MAGI2: variants seen among roughly 807,000 people sequenced by gnomAD.
MAGI2 encodes membrane-associated guanylate kinase, WW and PDZ domain-containing protein 2.
MAGI2 carries 35 observed loss-of-function variants against 133.3 expected under a neutral mutation model. That is an observed-to-expected ratio of 0.26 (90% confidence interval 0.20 to 0.35). The LOEUF (loss-of-function observed/expected upper bound fraction) is 0.35, where lower values mean the gene tolerates loss of function less well. Ranked by LOEUF, MAGI2 falls within the 10% of genes least tolerant of loss-of-function variation. The pLI, the probability that MAGI2 is intolerant of heterozygous loss-of-function variation, is 1.00. For missense variants in MAGI2, 1,636 were observed against 1,863.4 expected (o/e 0.88, Z 2.25); for synonymous variants, 729 against 710.6 (o/e 1.03, Z -0.41).
intron 3 of MAGI2, among the ~76,000 whole-genome samples, chr7:78,622,585 T>G (rs967198032): frequency 6.6e-6 from 1 of 152,024 alleles, no homozygotes; most frequent in African/African-American, 2.4e-5. Context: ...ATTCCTTAGT[T>G]TTCCCTGACA....
At chr7:78,359,269 C>T (rs923387070) in intron 7 of MAGI2, 44 of 152,130 alleles carry the variant, frequency 2.9e-4, no homozygotes, top group African/African-American at 8.9e-4. Flanking sequence ...CCCACCTTCT[C>T]GTGCTATACT....
chr7:78,991,903 A>T (rs571409813), intron 2 of MAGI2, among the ~76,000 whole-genome samples: 1 of 152,070 alleles, frequency 6.6e-6, no homozygotes, highest in East Asian at 1.9e-4. Context: ...TATTTCAGGG[A>T]TTGCCACAAT....
At chr7:79,138,217 T>C (rs1821775300) in intron 1 of MAGI2, among the ~76,000 whole-genome samples, 1 of 152,192 alleles carries the variant, frequency 6.6e-6, no homozygotes, top group African/African-American at 2.4e-5. Context: ...GTGGTAATTT[T>C]TTTTCATAGT....
At chr7:78,889,091 T>G (rs956027782) in intron 2 of MAGI2, among the ~76,000 whole-genome samples, 2 of 152,148 alleles carry the variant, frequency 1.3e-5, no homozygotes, top group African/African-American at 4.8e-5. Context: ...TGCACTAGCC[T>G]CAGTAGCCAA....
chr7:78,346,103 T>A, intron 7 of MAGI2, 60 bp from the exon 8 acceptor site: 1 of 1,594,224 alleles, frequency 6.3e-7, no homozygotes, highest in South Asian at 1.1e-5. Context: ...AAAGACCATA[T>A]GTATGGCTCT....
intron 21 of MAGI2, among the ~76,000 whole-genome samples, chr7:78,038,109 T>G (rs943754445): frequency 3.9e-5 from 6 of 152,224 alleles, no homozygotes; most frequent in African/African-American, 7.2e-5. Context: ...CGCTCTTTTT[T>G]TGTAAGTGTG....
intron 3 of MAGI2, among the ~76,000 whole-genome samples, chr7:78,598,184 T>C (rs1234906026): frequency 2.0e-5 from 3 of 152,188 alleles, no homozygotes; most frequent in Non-Finnish European, 4.4e-5. Flanking sequence ...AGGGATATCA[T>C]TGTAAACAAA....
At chr7:78,765,554 G>T (rs1793422729) in intron 2 of MAGI2, among the ~76,000 whole-genome samples, 2 of 151,670 alleles carry the variant, frequency 1.3e-5, no homozygotes, top group Admixed American at 1.3e-4. Flanking sequence ...TCTCTATGTT[G>T]GCCAGGCTGG....
chr7:78,312,878 G>C (rs996967743), intron 9 of MAGI2, among the ~76,000 whole-genome samples: 11 of 148,612 alleles, frequency 7.4e-5, no homozygotes, highest in East Asian at 3.9e-4. Flanking sequence ...CCCACTCCTG[G>C]GTATATACCC....
intron 6 of MAGI2, among the ~76,000 whole-genome samples, chr7:78,389,854 T>C (rs1250783739): frequency 1.3e-5 from 2 of 152,218 alleles, no homozygotes; most frequent in Non-Finnish European, 2.9e-5. Context: ...GAAAATGTTT[T>C]AGTAAAAACT....
intron 21 of MAGI2, 86 bp from the exon 22 acceptor site, chr7:78,020,062 T>C: frequency 8.2e-7 from 1 of 1,223,552 alleles, no homozygotes; most frequent in Non-Finnish European, 1.1e-6. Context: ...GGCAGGCAGC[T>C]GGGGCGATTG....
intron 2 of MAGI2, among the ~76,000 whole-genome samples, chr7:78,828,294 C>T (rs1243782673): frequency 2.6e-5 from 4 of 152,166 alleles, no homozygotes; most frequent in African/African-American, 4.8e-5. Flanking sequence ...ACAAACATTA[C>T]CTCAGTTGTG....
intron 2 of MAGI2, among the ~76,000 whole-genome samples, chr7:78,906,334 T>C (rs1797990854): frequency 6.6e-6 from 1 of 152,218 alleles, no homozygotes; most frequent in Non-Finnish European, 1.5e-5. Context: ...TTCCGTTTCA[T>C]TGCTTTCGTC....
intron 3 of MAGI2, among the ~76,000 whole-genome samples, chr7:78,546,492 C>G (rs1798852940): frequency 6.6e-6 from 1 of 152,140 alleles, no homozygotes; most frequent in African/African-American, 2.4e-5. Flanking sequence ...GTCTAATTAT[C>G]TTTTCTATTA....
chr7:79,082,489 A>G (rs2129541964), intron 1 of MAGI2, among the ~76,000 whole-genome samples: 1 of 152,160 alleles, frequency 6.6e-6, no homozygotes, highest in Non-Finnish European at 1.5e-5. Flanking sequence ...TCATTTCCCC[A>G]TTGAATTATC....
At chr7:79,113,415 C>T (rs955705511) in intron 1 of MAGI2, among the ~76,000 whole-genome samples, 2 of 152,144 alleles carry the variant, frequency 1.3e-5, no homozygotes, top group African/African-American at 4.8e-5. Context: ...CGTCTGATTA[C>T]CCATTTTCAT....
At chr7:78,444,380 A>G (rs1429136040) in intron 6 of MAGI2, among the ~76,000 whole-genome samples, 1 of 152,066 alleles carries the variant, frequency 6.6e-6, no homozygotes, top group African/African-American at 2.4e-5. Context: ...GTCCCTCACA[A>G]TTCATTAATG....
At chr7:78,983,759 T>C (rs1214201203) in intron 2 of MAGI2, among the ~76,000 whole-genome samples, 1 of 151,982 alleles carries the variant, frequency 6.6e-6, no homozygotes, top group African/African-American at 2.4e-5. Context: ...TTTTATTCTC[T>C]GTTTTCCTTG....
At chr7:79,367,858 C>CATATATATATATATATATACATAT (rs367920302) in intron 1 of MAGI2, among the ~76,000 whole-genome samples, 1 of 87,114 alleles carries the variant, frequency 1.1e-5, no homozygotes, top group African/African-American at 4.6e-5. Context: ...ATATATGTGA[C>CATATATATATATATATATACATAT]ATATATATAT....
Sources: allele counts gnomAD v4.1 joint callset (sites outside exome capture counted in the v4.1 genomes callset), GRCh38; gene constraint gnomAD v4.1.1; transcripts MANE v1.5; gene names NCBI Gene and HGNC (gene_info 2026-07-23, HGNC 2026-07-21).